DPP10: variants seen among roughly 807,000 people sequenced by gnomAD.
The protein encoded by DPP10 is inactive dipeptidyl peptidase 10.
A neutral mutation model predicts 120.9 loss-of-function variants in DPP10; 33 were observed. That is an observed-to-expected ratio of 0.27 (90% CI 0.21 to 0.37). The LOEUF is 0.37. DPP10 is among the 10% of genes least tolerant of loss of function. DPP10 has a pLI of 1.00. For missense variants in DPP10, 816 were observed against 942.8 expected (o/e 0.87, Z 1.76); for synonymous variants, 337 against 326.1 (o/e 1.03, Z -0.36).
At chr2:114,648,280 A>G (rs1409133858) in intron 1 of DPP10, among the ~76,000 whole-genome samples, 2 of 152,194 alleles carry the variant, frequency 1.3e-5, no homozygotes, top group Non-Finnish European at 2.9e-5. Flanking sequence ...CAGGAGTCTC[A>G]TGTCTTCTGA....
intron 1 of DPP10, among the ~76,000 whole-genome samples, chr2:114,902,495 G>A (rs923459973): frequency 5.3e-5 from 8 of 152,128 alleles, no homozygotes; most frequent in Admixed American, 4.6e-4. Flanking sequence ...AAGCCTTGAT[G>A]TCAAGTTAAG....
intron 1 of DPP10, among the ~76,000 whole-genome samples, chr2:114,910,765 A>G (rs1359904900): frequency 6.6e-6 from 1 of 152,128 alleles, no homozygotes; most frequent in Non-Finnish European, 1.5e-5. Context: ...TTTAAAATAA[A>G]ATAGTTCATG....
At chr2:114,945,816 CA>C (rs1178735760) in intron 1 of DPP10, among the ~76,000 whole-genome samples, 1 of 152,154 alleles carries the variant, frequency 6.6e-6, no homozygotes, top group South Asian at 2.1e-4. Flanking sequence ...AACTCTGTCT[CA>C]AAAAGCAAAA....
intron 1 of DPP10, among the ~76,000 whole-genome samples, chr2:114,659,869 G>A (rs1697261177): frequency 6.6e-6 from 1 of 152,164 alleles, no homozygotes; most frequent in Non-Finnish European, 1.5e-5. Flanking sequence ...AAGACAGAGG[G>A]AGAAACTGAT....
At chr2:114,665,431 G>A (rs919848504) in intron 1 of DPP10, among the ~76,000 whole-genome samples, 5 of 151,576 alleles carry the variant, frequency 3.3e-5, no homozygotes, top group East Asian at 3.9e-4. Context: ...TTGTAATGCC[G>A]CCTATGACTG....
chr2:114,609,213 A>G (rs1447767681), intron 1 of DPP10, among the ~76,000 whole-genome samples: 3 of 152,166 alleles, frequency 2.0e-5, no homozygotes, highest in Admixed American at 6.6e-5. Context: ...GGAGTGGCGG[A>G]GACCTATTCA....
chr2:114,450,776 G>A (rs1248685607), intron 1 of DPP10, among the ~76,000 whole-genome samples: 1 of 151,822 alleles, frequency 6.6e-6, no homozygotes, highest in Non-Finnish European at 1.5e-5. Context: ...CTACATTAAG[G>A]AAGTCCTGTG....
intron 1 of DPP10, among the ~76,000 whole-genome samples, chr2:114,814,498 A>G (rs1362616015): frequency 6.6e-6 from 1 of 152,146 alleles, no homozygotes; most frequent in Non-Finnish European, 1.5e-5. Flanking sequence ...ATCTGGAATT[A>G]ACTATAATGA....
intron 5 of DPP10, among the ~76,000 whole-genome samples, chr2:115,599,004 GCT>G (rs2083159151): frequency 6.6e-6 from 1 of 151,122 alleles, no homozygotes; most frequent in South Asian, 2.1e-4. Flanking sequence ...TTTCTTCCCT[GCT>G]CTCTTTTGTT....
chr2:115,650,849 G>T (rs2087706276), intron 5 of DPP10, among the ~76,000 whole-genome samples: 2 of 151,928 alleles, frequency 1.3e-5, no homozygotes, highest in African/African-American at 4.8e-5. Flanking sequence ...AAAAGAGGAG[G>T]CCCAGAGAAG....
At chr2:115,712,139 C>T (rs1403661422) in intron 7 of DPP10, among the ~76,000 whole-genome samples, 1 of 150,926 alleles carries the variant, frequency 6.6e-6, no homozygotes, top group Non-Finnish European at 1.5e-5. Context: ...ATACAACTCA[C>T]CATAATGCAG....
intron 1 of DPP10, among the ~76,000 whole-genome samples, chr2:115,176,338 AATATTTAT>A (rs888601347): frequency 2.0e-5 from 3 of 147,978 alleles, no homozygotes; most frequent in African/African-American, 7.3e-5. Flanking sequence ...TTATATTTAT[AATATTTAT>A]ATATTTATAT....
chr2:115,557,566 G>C (rs983528060), intron 5 of DPP10, among the ~76,000 whole-genome samples: 4 of 152,150 alleles, frequency 2.6e-5, no homozygotes, highest in African/African-American at 9.7e-5. Flanking sequence ...AATTCCACAT[G>C]AAAGTCCCTT....
intron 3 of DPP10, among the ~76,000 whole-genome samples, chr2:115,411,096 G>A (rs886692182): frequency 2.0e-5 from 3 of 152,148 alleles, no homozygotes; most frequent in African/African-American, 4.8e-5. Context: ...TTGGGAGGCC[G>A]AGGTGGTGGG....
chr2:114,932,600 G>GTGAATCTAATC, intron 1 of DPP10, among the ~76,000 whole-genome samples: 1 of 152,272 alleles, frequency 6.6e-6, no homozygotes, highest in South Asian at 2.1e-4. Context: ...CCCAGATCAG[G>GTGAATCTAATC]TGAATCTAAT....
intron 1 of DPP10, among the ~76,000 whole-genome samples, chr2:115,209,898 T>C (rs1244196571): frequency 2.0e-5 from 3 of 152,148 alleles, no homozygotes; most frequent in Admixed American, 6.6e-5. Flanking sequence ...CTATAATATC[T>C]TAAGTAGGCC....
rs944016865 is a variant in DPP10, at chr2:115,233,318, A to G, written c.61-75921A>G. 2.6e-5 allele frequency among the ~76,000 whole-genome samples: 4 copies of G among 152,124 alleles called. No homozygotes were observed. In the East Asian group the frequency reaches 7.7e-4, roughly 29 times the overall value. On this transcript the variant is annotated intron_variant, in intron 1 of 25. Coordinates refer to ENST00000410059, the MANE Select transcript of DPP10 (RefSeq NM_020868.6). The stretch of plus-strand genomic sequence containing the variant: ...AACTGTTCCCACTGTGCTTCCCGAA[A>G]GAAAACCGTCTGATTTCATGTCATT...
intron 1 of DPP10, among the ~76,000 whole-genome samples, chr2:114,658,227 A>C (rs1408713288): frequency 1.3e-5 from 2 of 152,186 alleles, no homozygotes; most frequent in Non-Finnish European, 2.9e-5. Context: ...TTTGAAGCAC[A>C]GATAAGATTT....
intron 3 of DPP10, among the ~76,000 whole-genome samples, chr2:115,378,784 G>A (rs1021654238): frequency 2.0e-5 from 3 of 152,068 alleles, no homozygotes; most frequent in Non-Finnish European, 4.4e-5. Flanking sequence ...TTTGTCAAAG[G>A]CCTTTTCTGC....
Sources: allele counts gnomAD v4.1 joint callset (sites outside exome capture counted in the v4.1 genomes callset), GRCh38; gene constraint gnomAD v4.1.1; transcripts MANE v1.5; gene names NCBI Gene and HGNC (gene_info 2026-07-23, HGNC 2026-07-21).